Variants in SAMD12 observed in about 807,000 individuals in gnomAD.
SAMD12 encodes sterile alpha motif domain-containing protein 12.
In SAMD12, 9 loss-of-function variants were observed where a neutral mutation model predicts 15.0. The ratio of observed to expected loss-of-function variants is 0.60; its 90% confidence interval spans 0.36 to 1.05. SAMD12 has a LOEUF of 1.05. SAMD12 is among the 50% of genes least tolerant of loss of function. SAMD12 has a pLI of 0.01. For synonymous variants in SAMD12, 86 were observed against 90.1 expected (o/e 0.96, Z 0.25); for missense variants, 230 against 234.2 (o/e 0.98, Z 0.12).
At chr8:118,494,218 C>A (rs535739205) in intron 2 of SAMD12, among the ~76,000 whole-genome samples, 4 of 152,308 alleles carry the variant, frequency 2.6e-5, no homozygotes, top group Admixed American at 6.5e-5. Flanking sequence ...AGAGACAAAG[C>A]AGTCAATTTT....
At chr8:118,401,801 C>T (rs1054707159) in intron 3 of SAMD12, among the ~76,000 whole-genome samples, 1 of 152,132 alleles carries the variant, frequency 6.6e-6, no homozygotes, top group Non-Finnish European at 1.5e-5. Context: ...CATACACAAC[C>T]TTTGAAGATA....
chr8:118,416,359 C>G (rs1395285921), intron 3 of SAMD12, among the ~76,000 whole-genome samples: 1 of 152,100 alleles, frequency 6.6e-6, no homozygotes, highest in African/African-American at 2.4e-5. Flanking sequence ...GGCATCAACT[C>G]TTTTTTTCAG....
chr8:118,470,911 G>A (rs1179198852), intron 2 of SAMD12, among the ~76,000 whole-genome samples: 2 of 151,956 alleles, frequency 1.3e-5, no homozygotes, highest in East Asian at 3.9e-4. Flanking sequence ...TTTAAGACTT[G>A]GATTAATTTT....
intron 4 of SAMD12, among the ~76,000 whole-genome samples, chr8:118,281,881 G>A (rs368650184): frequency 6.6e-6 from 1 of 152,178 alleles, no homozygotes; most frequent in South Asian, 2.1e-4. Context: ...GTTCTTACCA[G>A]TGGGTCATTT....
At chr8:118,546,149 G>A (rs985140493) in intron 2 of SAMD12, among the ~76,000 whole-genome samples, 2 of 152,182 alleles carry the variant, frequency 1.3e-5, no homozygotes, top group African/African-American at 4.8e-5. Context: ...GAGAAGAAAA[G>A]CACAGGGTAC....
chr8:118,162,688 G>C, the SAMD12 span, among the ~76,000 whole-genome samples: 1 of 152,162 alleles, frequency 6.6e-6, no homozygotes, highest in Non-Finnish European at 1.5e-5. Context: ...GTAAACAGAT[G>C]AGCTTGCTAA....
intron 4 of SAMD12, among the ~76,000 whole-genome samples, chr8:118,272,742 T>C (rs1813395521): frequency 6.6e-6 from 1 of 152,190 alleles, no homozygotes; most frequent in African/African-American, 2.4e-5. Context: ...GCAAGAGTCA[T>C]CTTTACTCCT....
intron 4 of SAMD12, among the ~76,000 whole-genome samples, chr8:118,328,668 G>A (rs1235565088): frequency 2.6e-5 from 4 of 152,016 alleles, no homozygotes; most frequent in Non-Finnish European, 5.9e-5. Flanking sequence ...CATAGCAGGT[G>A]GATCTCGGGC....
intron 4 of SAMD12, among the ~76,000 whole-genome samples, chr8:118,221,832 T>TG (rs1200241148): frequency 6.6e-6 from 1 of 152,200 alleles, no homozygotes; most frequent in Admixed American, 6.5e-5. Flanking sequence ...TTACATTCGT[T>TG]GGGGTGATTA....
At chr8:118,270,168 T>G (rs1813317158) in intron 4 of SAMD12, among the ~76,000 whole-genome samples, 1 of 152,192 alleles carries the variant, frequency 6.6e-6, no homozygotes, top group Non-Finnish European at 1.5e-5. Flanking sequence ...TGAGGTTTCT[T>G]GCACAATAAC....
At chr8:118,382,845 T>A (rs1217186633) in intron 3 of SAMD12, among the ~76,000 whole-genome samples, 3 of 152,226 alleles carry the variant, frequency 2.0e-5, no homozygotes, top group African/African-American at 7.2e-5. Flanking sequence ...ATTTTAAAAT[T>A]TCCTGATAAA....
chr8:118,266,174 G>A lies in SAMD12; in HGVS notation c.434-68442C>T, dbSNP rs370891991. On this transcript the variant is annotated intron_variant, in intron 4 of 4. Transcript: ENST00000409003. ...CTTGTGAGAACTCACTCACTATCAC[G>A]AGAAGAGTATGGAGTAAACTGCCTG... Among the ~76,000 whole-genome samples the A allele has an allele frequency of 5.3e-5, 8 of 152,216 alleles. No individual in the cohort carries two copies. In the East Asian group the frequency reaches 9.7e-4, roughly 18 times the overall value.
At chr8:118,502,229 A>AG (rs1824803891) in intron 2 of SAMD12, among the ~76,000 whole-genome samples, 1 of 149,408 alleles carries the variant, frequency 6.7e-6, no homozygotes, top group South Asian at 2.2e-4. Context: ...AACAGAGAGA[A>AG]GCAATCTTTT....
intron 4 of SAMD12, among the ~76,000 whole-genome samples, chr8:118,302,392 A>G (rs1372160252): frequency 6.6e-6 from 1 of 152,196 alleles, no homozygotes; most frequent in Non-Finnish European, 1.5e-5. Context: ...AGAGCTTACA[A>G]CAGAGCTAGA....
At chr8:118,358,073 AGGTCAT>A (rs1818317123) in intron 4 of SAMD12, among the ~76,000 whole-genome samples, 1 of 152,184 alleles carries the variant, frequency 6.6e-6, no homozygotes, top group East Asian at 1.9e-4. Context: ...TGAGCCCAGG[AGGTCAT>A]GGCTGCAGTG....
chr8:118,315,616 G>A (rs529757838), intron 4 of SAMD12, among the ~76,000 whole-genome samples: 3 of 152,112 alleles, frequency 2.0e-5, no homozygotes, highest in African/African-American at 7.2e-5. Flanking sequence ...TTGAGGGCTC[G>A]GGATAAGTGT....
intron 4 of SAMD12, among the ~76,000 whole-genome samples, chr8:118,366,881 T>TAAAATAATAAAATAA (rs1372250393): frequency 3.8e-4 from 20 of 52,340 alleles, no homozygotes; most frequent in African/African-American, 1.0e-3. Flanking sequence ...TAAAATAAAA[T>TAAAATAATAAAATAA]AATAAAATAA....
intron 2 of SAMD12, among the ~76,000 whole-genome samples, chr8:118,575,636 C>CAGGGG (rs1195838604): frequency 6.6e-6 from 1 of 152,010 alleles, no homozygotes; most frequent in African/African-American, 2.4e-5. Context: ...AGGAAAGGTA[C>CAGGGG]AGGGGAGGCA....
chr8:118,214,764 G>GT (rs1811914990), intron 4 of SAMD12, among the ~76,000 whole-genome samples: 2 of 152,220 alleles, frequency 1.3e-5, no homozygotes, highest in African/African-American at 4.8e-5. Flanking sequence ...TCATGAAATT[G>GT]TAATTCTTTC....
Sources: gnomAD v4.1 joint callset for allele counts (sites outside exome capture counted in the v4.1 genomes callset) on GRCh38, gnomAD v4.1.1 for gene constraint, MANE v1.5 for transcripts, NCBI Gene and HGNC (gene_info 2026-07-23, HGNC 2026-07-21) for gene names.